The following MAST4 variants were observed in gnomAD, a reference collection of about 807,000 sequenced individuals.
MAST4 encodes the protein microtubule-associated serine/threonine-protein kinase 4.
In MAST4, 89 loss-of-function variants were observed where a neutral mutation model predicts 162.7. The observed-to-expected ratio is 0.55, with a 90% CI of 0.46 to 0.65. MAST4 has a LOEUF of 0.65. Among genes scored for constraint, MAST4 ranks in the 30% least tolerant of loss-of-function variants. The pLI, the probability that MAST4 is intolerant of heterozygous loss-of-function variation, is 0.00. For missense variants in MAST4, 3,153 were observed against 3,374.0 expected (o/e 0.93, Z 1.62); for synonymous variants, 1,479 against 1,361.1 (o/e 1.09, Z -1.91).
Position 66,965,860 on chromosome 5 carries a change from CCAATCTGAGTT to C in MAST4, c.674+65882_674+65892del, listed in dbSNP as rs535822977. 6.2e-3 allele frequency among the ~76,000 whole-genome samples: 939 copies of C among 152,092 alleles called. 6 individuals carry two copies. The highest frequency in any genetic ancestry group is 0.022 in the African/African-American group (914 of 41,470). On this transcript the variant is annotated intron_variant, in intron 4 of 28. Transcript: ENST00000403625. ...GAAGATGTTTTGAATAAGGAAATGA[CCAATCTGAGTT>C]CAAACTGAGGAAACGTACCTTATCA...
At chr5:67,151,060 C>T (rs1771744111) in intron 24 of MAST4, among the ~76,000 whole-genome samples, 1 of 152,190 alleles carries the variant, frequency 6.6e-6, no homozygotes, top group African/African-American at 2.4e-5. Context: ...GTTTAAACCG[C>T]AGCATGTTTT....
intron 5 of MAST4, among the ~76,000 whole-genome samples, chr5:67,061,567 T>C (rs1396266736): frequency 1.1e-4 from 17 of 151,998 alleles, no homozygotes; most frequent in Non-Finnish European, 1.5e-5. Flanking sequence ...CATGTATGTG[T>C]GGTCCAAACT....
At chr5:67,132,010 T>G (rs1769029039) in intron 16 of MAST4, 59 bp downstream of exon 16, 1 of 1,533,332 alleles carries the variant, frequency 6.5e-7, no homozygotes, top group African/African-American at 1.4e-5. Context: ...CTCGTATGTT[T>G]ATAAAGATGT....
At chr5:66,756,487 G>A (rs759308092) in intron 1 of MAST4, among the ~76,000 whole-genome samples, 35 of 152,158 alleles carry the variant, frequency 2.3e-4, no homozygotes, top group Admixed American at 5.9e-4. Flanking sequence ...GACAGCCTCT[G>A]TCTTTAGTTC....
chr5:66,891,382 C>T (rs1762353997), intron 3 of MAST4, among the ~76,000 whole-genome samples: 1 of 152,180 alleles, frequency 6.6e-6, no homozygotes, highest in Admixed American at 6.5e-5. Context: ...CTCAGCCATG[C>T]TTCCTGGATA....
intron 4 of MAST4, among the ~76,000 whole-genome samples, chr5:66,920,214 T>C (rs1764441118): frequency 6.6e-6 from 1 of 152,158 alleles, no homozygotes; most frequent in South Asian, 2.1e-4. Context: ...AAAAGGCATA[T>C]TGTGTTTCCA....
At chr5:66,982,437 A>G (rs1159729633) in intron 4 of MAST4, among the ~76,000 whole-genome samples, 2 of 152,232 alleles carry the variant, frequency 1.3e-5, no homozygotes, top group Non-Finnish European at 2.9e-5. Context: ...TAGGAAAATT[A>G]TGTCATAAAA....
Position 66,931,077 on chromosome 5 carries a change from T to A in MAST4, c.674+31095T>A, listed in dbSNP as rs375502664. The A allele has an allele frequency of 2.9e-4, 59 of 201,014 alleles. No homozygotes were observed. The South Asian group carries it at 5.0e-3, about 17-fold the overall frequency. 12.5% of individuals were successfully genotyped at this position (201,014 alleles called of 1,614,324 possible). A position where few individuals can be genotyped will look rare whatever the true frequency, so the allele number is the denominator to read the frequency against. On this transcript the variant is annotated intron_variant, in intron 4 of 28. Coordinates refer to ENST00000403625, the MANE Select transcript of MAST4 (RefSeq NM_001164664.2). ...AGGGGAAATATAGCTTCTGAGAACTTACTTTATCTGTAACAAGGCCAAGTC... is the reference window on the plus strand; with the variant it reads ...AGGGGAAATATAGCTTCTGAGAACTAACTTTATCTGTAACAAGGCCAAGTC...
intron 4 of MAST4, among the ~76,000 whole-genome samples, chr5:66,970,950 A>G (rs577057414): frequency 1.1e-4 from 16 of 152,196 alleles, no homozygotes; most frequent in African/African-American, 3.1e-4. Context: ...CTCCCCTTTC[A>G]CTTTCAAAAC....
chr5:66,857,157 G>A (rs1014898272), intron 3 of MAST4, among the ~76,000 whole-genome samples: 6 of 152,132 alleles, frequency 3.9e-5, no homozygotes, highest in African/African-American at 1.4e-4. Flanking sequence ...ATTCTGTCAT[G>A]TACGTTTTGG....
chr5:66,841,335 A>G (rs1293885325), intron 3 of MAST4, among the ~76,000 whole-genome samples: 1 of 152,164 alleles, frequency 6.6e-6, no homozygotes, highest in Non-Finnish European at 1.5e-5. Context: ...TTTCTGTAAT[A>G]TGAAGATACT....
chr5:67,158,599 T>C (rs1561187841), intron 26 of MAST4, among the ~76,000 whole-genome samples: 2 of 151,872 alleles, frequency 1.3e-5, no homozygotes, highest in African/African-American at 2.4e-5. Context: ...TAAAAAAAAT[T>C]AAAGAACTCT....
intron 1 of MAST4, among the ~76,000 whole-genome samples, chr5:66,646,387 G>C (rs1745838390): frequency 6.6e-6 from 1 of 152,038 alleles, no homozygotes; most frequent in South Asian, 2.1e-4. Flanking sequence ...CCAATTATAG[G>C]CTCTGATTTT....
chr5:67,075,256 G>A (rs1581451283), intron 5 of MAST4, among the ~76,000 whole-genome samples: 1 of 144,860 alleles, frequency 6.9e-6, no homozygotes, highest in East Asian at 2.1e-4. Context: ...CTGCAGCTTT[G>A]AACTCCTCAG....
At chr5:67,000,767 G>A (rs868512436) in intron 4 of MAST4, among the ~76,000 whole-genome samples, 28 of 151,112 alleles carry the variant, frequency 1.9e-4, no homozygotes, top group Non-Finnish European at 2.2e-4. Flanking sequence ...GGGGGGGGGT[G>A]GCTTGTGTCA....
intron 3 of MAST4, among the ~76,000 whole-genome samples, chr5:66,844,986 G>T (rs1432872529): frequency 7.3e-5 from 11 of 150,486 alleles, no homozygotes; most frequent in African/African-American, 2.4e-4. Flanking sequence ...GGTGCTAAAT[G>T]AAGCCATGGG....
intron 4 of MAST4, among the ~76,000 whole-genome samples, chr5:67,029,326 A>G (rs1187006599): frequency 6.6e-6 from 1 of 152,260 alleles, no homozygotes; most frequent in East Asian, 1.9e-4. Context: ...CATGATTTTA[A>G]AAGTGTTTTC....
chr5:66,611,453 T>C (rs1041938831), intron 1 of MAST4, among the ~76,000 whole-genome samples: 3 of 152,196 alleles, frequency 2.0e-5, no homozygotes, highest in Non-Finnish European at 1.5e-5. Context: ...CCTCCTCTCA[T>C]GAGAGGGTTA....
At chr5:67,108,179 C>G (rs1765804304) in intron 10 of MAST4, among the ~76,000 whole-genome samples, 1 of 152,158 alleles carries the variant, frequency 6.6e-6, no homozygotes, top group Non-Finnish European at 1.5e-5. Context: ...TCTAAACTGA[C>G]TTTTTAAGTT....
Sources: allele counts gnomAD v4.1 joint callset (sites outside exome capture counted in the v4.1 genomes callset), GRCh38; gene constraint gnomAD v4.1.1; transcripts MANE v1.5; gene names NCBI Gene and HGNC (gene_info 2026-07-23, HGNC 2026-07-21).